Variants in TAX1BP1 observed in about 807,000 individuals in gnomAD.
TAX1BP1 encodes the protein tax1-binding protein 1.
Under a neutral mutation model 97.7 loss-of-function variants are expected in TAX1BP1, and 62 were observed. The ratio of observed to expected loss-of-function variants is 0.63; its 90% confidence interval spans 0.52 to 0.78. The LOEUF (loss-of-function observed/expected upper bound fraction) is 0.78. TAX1BP1 is among the 30% of genes least tolerant of loss of function. The probability of loss-of-function intolerance (pLI) is 0.00; values close to 1 mark genes in which losing one functional copy is unlikely to be tolerated. For missense variants in TAX1BP1, 867 were observed against 916.1 expected, an observed-to-expected ratio of 0.95 and a Z score of 0.69; for synonymous variants, 340 against 304.2, an observed-to-expected ratio of 1.12 and a Z score of -1.23.
chr7:27,770,144 T>G (rs1310468413), intron 5 of TAX1BP1, among the ~76,000 whole-genome samples: 4 of 152,052 alleles, frequency 2.6e-5, no homozygotes, highest in Non-Finnish European at 5.9e-5. Context: ...GAAATACAAT[T>G]AGAAATGATA....
chr7:27,804,457 G>A (rs991801042), intron 13 of TAX1BP1, among the ~76,000 whole-genome samples: 43 of 152,242 alleles, frequency 2.8e-4, no homozygotes, highest in African/African-American at 9.6e-4. Flanking sequence ...GCCAAAACTG[G>A]TATTCTACAA....
At chr7:27,811,165 A>G (rs994457319) in intron 13 of TAX1BP1, among the ~76,000 whole-genome samples, 2 of 152,180 alleles carry the variant, frequency 1.3e-5, no homozygotes, top group Non-Finnish European at 2.9e-5. Context: ...GTATCTTGAA[A>G]GAGTATTTTC....
chr7:27,792,452 G>A (rs1451919336), intron 9 of TAX1BP1, among the ~76,000 whole-genome samples: 1 of 152,136 alleles, frequency 6.6e-6, no homozygotes, highest in Non-Finnish European at 1.5e-5. Context: ...GGTGAAAGCT[G>A]CCCTATTGAT....
intron 2 of TAX1BP1, among the ~76,000 whole-genome samples, chr7:27,756,393 A>G (rs964793138): frequency 6.6e-6 from 1 of 152,110 alleles, no homozygotes; most frequent in Non-Finnish European, 1.5e-5. Context: ...GTGTAGTTCT[A>G]TATTTCTGAC....
chr7:27,795,149 C>A (rs895020989), intron 11 of TAX1BP1, among the ~76,000 whole-genome samples: 5 of 152,222 alleles, frequency 3.3e-5, no homozygotes, highest in African/African-American at 1.2e-4. Context: ...TCTTTTAAGT[C>A]TTTTTAAATG....
chr7:27,775,436 C>T (rs1039354819), intron 5 of TAX1BP1, among the ~76,000 whole-genome samples: 10 of 152,128 alleles, frequency 6.6e-5, no homozygotes, highest in South Asian at 4.2e-4. Context: ...TTTTGAGTTG[C>T]GGGAACTTAA....
At chr7:27,758,214 T>A in intron 3 of TAX1BP1, 81 bp downstream of exon 3, 1 of 1,127,312 alleles carries the variant, frequency 8.9e-7, no homozygotes, top group Non-Finnish European at 1.3e-6. Flanking sequence ...TGTAATGATT[T>A]GTTCAGGTAT....
chr7:27,771,008 A>G (rs1056089897), intron 5 of TAX1BP1, among the ~76,000 whole-genome samples: 1 of 148,374 alleles, frequency 6.7e-6, no homozygotes, highest in Non-Finnish European at 1.5e-5. Context: ...TACTTTTTTC[A>G]TTTGAACCTT....
chr7:27,793,322 C>T, intron 10 of TAX1BP1, 110 bp downstream of exon 10: 1 of 1,036,236 alleles, frequency 9.7e-7, no homozygotes, highest in Non-Finnish European at 1.3e-6. Context: ...TTTATCTCTG[C>T]TTGATTTCAA....
At chr7:27,787,894 T>A (rs145371326) in intron 8 of TAX1BP1, among the ~76,000 whole-genome samples, 48 of 152,238 alleles carry the variant, frequency 3.2e-4, no homozygotes, top group African/African-American at 1.1e-3. Context: ...AGTGCATTCT[T>A]CTTCATAGCC....
In TAX1BP1 at chr7:27,775,515, G is replaced by T. The variant is rs188511956; in HGVS notation, c.612+5681G>T. On this transcript the variant is annotated intron_variant, in intron 5 of 16. Coordinates refer to ENST00000396319, the MANE Select transcript of TAX1BP1 (RefSeq NM_006024.7). ...GCTTTGTAATATGTCACCTTGCTAG[G>T]CTGAACTTATTTTCCAGAGTTCTCT... Among the ~76,000 whole-genome samples, 11 of 152,232 alleles carry T rather than the reference G, an allele frequency of 7.2e-5. No individual in the cohort carries two copies. In the East Asian group the frequency reaches 2.1e-3, roughly 29 times the overall value.
At chr7:27,792,618 A>G (rs1789761711) in intron 9 of TAX1BP1, among the ~76,000 whole-genome samples, 1 of 152,292 alleles carries the variant, frequency 6.6e-6, no homozygotes, top group South Asian at 2.1e-4. Flanking sequence ...CTAAGAATGT[A>G]AAACTGGACT....
At chr7:27,800,876 G>A (rs374150490) in intron 13 of TAX1BP1, among the ~76,000 whole-genome samples, 2 of 152,116 alleles carry the variant, frequency 1.3e-5, no homozygotes, top group South Asian at 2.1e-4. Context: ...AGGCTGAGGC[G>A]GGCGGATCAC....
intron 1 of TAX1BP1, among the ~76,000 whole-genome samples, chr7:27,744,913 A>G (rs1787762956): frequency 6.6e-6 from 1 of 152,262 alleles, no homozygotes; most frequent in Non-Finnish European, 1.5e-5. Flanking sequence ...TACAGTTTAC[A>G]GCATAACACA....
chr7:27,825,472 T>C (rs375847009), intron 15 of TAX1BP1, among the ~76,000 whole-genome samples: 3 of 152,206 alleles, frequency 2.0e-5, no homozygotes, highest in Admixed American at 1.3e-4. Flanking sequence ...TTTCAACCTA[T>C]GCTCTGGGTA....
intron 2 of TAX1BP1, among the ~76,000 whole-genome samples, chr7:27,756,787 G>A (rs1237879292): frequency 6.6e-6 from 1 of 152,026 alleles, no homozygotes; most frequent in Non-Finnish European, 1.5e-5. Flanking sequence ...GGCTCAAACA[G>A]GTGAGGTAAA....
At chr7:27,787,371 AG>A in intron 7 of TAX1BP1, 46 bp from the exon 8 acceptor site, 1 of 1,475,164 alleles carries the variant, frequency 6.8e-7, no homozygotes, top group South Asian at 1.4e-5. Context: ...TGACTAACTT[AG>A]GTCATGGAGT....
intron 11 of TAX1BP1, among the ~76,000 whole-genome samples, chr7:27,794,993 A>G (rs73684058): frequency 0.023 from 3,560 of 152,294 alleles, 69 homozygotes; most frequent in East Asian, 0.081. Flanking sequence ...GAATAGAGAG[A>G]CATAGTGAGA....
rs533311201 is a variant in TAX1BP1, at chr7:27,785,641, G to A, written c.852+152G>A. Reference sequence around the variant, plus strand: ...GTTGCAGTCAGGATGTTGGCAAGGGGTGCAGTCAGCTAAGGGCTTGATTGG... The same window carrying A: ...GTTGCAGTCAGGATGTTGGCAAGGGATGCAGTCAGCTAAGGGCTTGATTGG... On this transcript the variant is annotated intron_variant, in intron 7 of 16. Coordinates refer to ENST00000396319, the MANE Select transcript of TAX1BP1 (RefSeq NM_006024.7). The A allele has an allele frequency of 2.4e-5, 16 of 656,616 alleles. No homozygotes were observed. In the Admixed American group the frequency reaches 3.1e-4, roughly 13 times the overall value. The allele number at this position is 656,616 out of a possible 1,614,324, so 40.7% of individuals were successfully genotyped here.
Sources: allele counts gnomAD v4.1 joint callset (sites outside exome capture counted in the v4.1 genomes callset), GRCh38; gene constraint gnomAD v4.1.1; transcripts MANE v1.5; gene names NCBI Gene and HGNC (gene_info 2026-07-23, HGNC 2026-07-21).